The following SLC23A3 variants were observed in gnomAD, a reference collection of about 807,000 sequenced individuals.
The protein encoded by SLC23A3 is E2-binding protein 3.
In SLC23A3, 41 loss-of-function variants were observed where a neutral mutation model predicts 64.7. The observed-to-expected ratio is 0.63, with a 90% CI of 0.49 to 0.82. SLC23A3 has a LOEUF of 0.82. Among genes scored for constraint, SLC23A3 ranks in the 40% least tolerant of loss-of-function variants. The pLI is 0.00. For missense variants in SLC23A3, 647 were observed against 733.4 expected (o/e 0.88, Z 1.36); for synonymous variants, 281 against 306.8 (o/e 0.92, Z 0.88).
At chr2:219,167,822 T>G (rs752739857) in intron 7 of SLC23A3, 108 bp downstream of exon 7, 56 of 894,148 alleles carry the variant, frequency 6.3e-5, no homozygotes, top group Non-Finnish European at 9.2e-5. Flanking sequence ...TCCTATATGT[T>G]TTCAAAAAAC....
intron 9 of SLC23A3, 82 bp downstream of exon 9, chr2:219,164,151 A>G: frequency 3.4e-6 from 3 of 886,904 alleles, no homozygotes; most frequent in Non-Finnish European, 5.4e-6. Context: ...ATTTAGAAGG[A>G]AAGGGTGCCA....
chr2:219,166,513 TTTTA>T (rs981643554), intron 7 of SLC23A3, among the ~76,000 whole-genome samples: 14 of 151,274 alleles, frequency 9.3e-5, no homozygotes, highest in Non-Finnish European at 1.8e-4. Context: ...TTTTATTTTA[TTTTA>T]TTTATTTTAT....
chr2:219,165,286 A>C lies in SLC23A3; in HGVS notation c.1050T>G (p.His350Gln). 6.4e-7 allele frequency: 1 copy of C among 1,551,640 alleles called. No individual in the cohort carries two copies. Among genetic ancestry groups the C allele is most frequent in the Non-Finnish European group, 8.7e-7 (1 of 1,146,994 alleles). The change falls in exon 8 of 12, where the codon CAT becomes CAG. Residue 350 changes from histidine to glutamine, a missense_variant. By Grantham distance (24) the His-to-Gln change is conservative. Transcript: ENST00000409878. ...CCAGGCTCAGCCCTCGACTGCAGGC[A>C]TGTGGAGGTGGGGGAGGCAAATGCA... ...RLLHLPPPPP[H>Q]ACSRGLSLEG...
chr2:219,167,861 T>A, intron 7 of SLC23A3, 69 bp downstream of exon 7: 1 of 1,189,028 alleles, frequency 8.4e-7, no homozygotes, highest in Non-Finnish European at 1.2e-6. Flanking sequence ...ATAAAATCCA[T>A]TAAGTTCTTT....
At position 219,162,211 on chromosome 2, in the gene SLC23A3, AAG is replaced by A. The variant is rs1949952225; in HGVS notation, c.1538-9_1538-8del. The A allele has an allele frequency of 1.2e-6, 2 of 1,610,736 alleles. No individual in the cohort carries two copies. Among genetic ancestry groups the A allele is most frequent in the Non-Finnish European group, 1.7e-6 (2 of 1,177,464 alleles). The stretch of plus-strand genomic sequence containing the variant: ...CCTCGCTCAAGCTGTGTGCCTGCAA[AAG>A]AGAGGTTTGTCAGGCTATTGCCCAT... On this transcript the variant is annotated splice_polypyrimidine_tract_variant and splice_region_variant and intron_variant, in intron 11 of 11. Transcript: ENST00000409878.
In SLC23A3 at chr2:219,162,141, C is replaced by T. The variant is rs769388431; in HGVS notation, c.1601G>A (p.Arg534Gln). The change falls in exon 12 of 12, where the codon CGA becomes CAA. Residue 534 changes from arginine (R) to glutamine (Q), a missense_variant. Coordinates refer to ENST00000409878, the MANE Select transcript of SLC23A3 (RefSeq NM_001144889.2). The part of the protein sequence containing the change: ...LPSPFTAQEA[R>Q]MPQKPREKAA... ...CTTCTCCCTGGGCTTCTGAGGCATTCGAGCCTCTTGGGCAGTGAAAGGAGA... is the reference window on the plus strand; with the variant it reads ...CTTCTCCCTGGGCTTCTGAGGCATTTGAGCCTCTTGGGCAGTGAAAGGAGA... The T allele has an allele frequency of 1.2e-5, 19 of 1,613,808 alleles. 1 individual carries two copies. The African/African-American group carries it at 1.7e-4, about 15-fold the overall frequency.
chr2:219,168,699 G>A lies in SLC23A3; in HGVS notation c.627C>T (p.His209=). ...PSLVVAGLSA[H]REVAQFCFTH... The stretch of plus-strand genomic sequence containing the variant: ...TGAAGCAGAACTGGGCTACCTCCCT[G>A]TGGGCAGAGAGCCCTGCCACAACCA... Residue 209 remains histidine (H), a synonymous_variant, in exon 5 of 12, where the codon CAC becomes CAT. Coordinates refer to ENST00000409878, the MANE Select transcript of SLC23A3 (RefSeq NM_001144889.2). The A allele has an allele frequency of 1.2e-6, 2 of 1,613,920 alleles. No individual in the cohort carries two copies. The highest frequency in any genetic ancestry group is 1.7e-6 in the Non-Finnish European group (2 of 1,179,934).
intron 6 of SLC23A3, 26 bp from the exon 7 acceptor site, chr2:219,168,070 C>T: frequency 1.3e-6 from 2 of 1,564,524 alleles, no homozygotes; most frequent in Middle Eastern, 1.7e-4. Flanking sequence ...GAGAAAAGAA[C>T]TCCTCCCCCA....
rs750676280 is a variant in SLC23A3 at position 219,162,089 on chromosome 2, G to A, written c.1653C>T (p.Phe551=). The A allele has an allele frequency of 8.1e-6, 13 of 1,614,094 alleles. No individual in the cohort carries two copies. The African/African-American group carries it at 1.3e-4, about 17-fold the overall frequency. ...EKAAQVYRLP[F]PIQNLCPCIP... is the part of the protein sequence containing the mutation. The stretch of plus-strand genomic sequence containing the variant: ...TGCAGGGACAGAGGTTTTGGATGGG[G>A]AAAGGAAGTCTGTACACTTGAGCAG... The change falls in exon 12 of 12, where the codon TTC becomes TTT. Residue 551 remains phenylalanine, a synonymous_variant. Coordinates refer to ENST00000409878, the MANE Select transcript of SLC23A3 (RefSeq NM_001144889.2).
chr2:219,164,121 C>CCCATCCAT lies in SLC23A3; in HGVS notation c.1273+104_1273+111dup, dbSNP rs1308853794. 3 of 683,420 alleles carry CCCATCCAT rather than the reference C, an allele frequency of 4.4e-6. No homozygotes were observed. In the Admixed American group the frequency reaches 7.8e-5, roughly 18 times the overall value. The allele number at this position is 683,420 out of a possible 1,614,324, so 42.3% of individuals were successfully genotyped here. ...ATCCATCCATCCATCCATCCATCCA[C>CCCATCCAT]CCATCCATCCAGGAAAGCTATTTAG... On this transcript the variant is annotated intron_variant, in intron 9 of 11. Transcript: ENST00000409878.
chr2:219,164,819 C>A, intron 8 of SLC23A3: 1 of 301,458 alleles, frequency 3.3e-6, no homozygotes, highest in Non-Finnish European at 6.1e-6. Context: ...TCAGCCTCCC[C>A]ACGTGCTAGG....
At chr2:219,165,495 C>T (rs1167692493) in intron 7 of SLC23A3, 73 bp from the exon 8 acceptor site, 30 of 1,480,452 alleles carry the variant, frequency 2.0e-5, no homozygotes, top group Non-Finnish European at 2.7e-5. Context: ...ACAGCCTGTG[C>T]CACAAGAATC....
At chr2:219,164,444 C>T in intron 8 of SLC23A3, 106 bp from the exon 9 acceptor site, 1 of 748,408 alleles carries the variant, frequency 1.3e-6, no homozygotes, top group African/African-American at 1.8e-5. Context: ...TCAAATGTTA[C>T]TCTTCCAAGA....
In SLC23A3 at chr2:219,164,296, C is replaced by A. The variant is rs750903971; in HGVS notation, c.1210G>T (p.Val404Leu). 8.1e-6 allele frequency: 13 copies of A among 1,608,900 alleles called. No homozygotes were observed. The highest frequency in any genetic ancestry group is 1.1e-5 in the South Asian group (1 of 89,722). The stretch of plus-strand genomic sequence containing the variant: ...AACCTGGGGGAGAGTCCAAGCCCCA[C>A]GCAGAGTAGCCCCACTAAGTGAGCC... ...QVAHLVGLLC[V>L]GLGLSPRLAQ... Residue 404 changes from valine to leucine, a missense_variant, in exon 9 of 12, where the codon GTG becomes TTG. Coordinates refer to ENST00000409878, the MANE Select transcript of SLC23A3 (RefSeq NM_001144889.2).
chr2:219,169,716 A>C lies in SLC23A3; in HGVS notation c.163-38T>G. On this transcript the variant is annotated intron_variant, in intron 1 of 11. Transcript: ENST00000409878. The surrounding 1 kb of genome is among the most constrained non-coding windows in gnomAD (Gnocchi z 4.5). ...GAATGGGGAGGGCAGTCTTCAGAGAAGTGGAAATACCTACAATACTTCCAG... is the reference window on the plus strand; with the variant it reads ...GAATGGGGAGGGCAGTCTTCAGAGACGTGGAAATACCTACAATACTTCCAG... 1 of 1,613,250 alleles carries C rather than the reference A, an allele frequency of 6.2e-7. No individual in the cohort carries two copies. The highest frequency in any genetic ancestry group is 2.2e-5 in the East Asian group (1 of 44,884).
chr2:219,168,974 G>A, intron 4 of SLC23A3, 55 bp downstream of exon 4: 1 of 1,575,940 alleles, frequency 6.3e-7, no homozygotes, highest in Non-Finnish European at 8.7e-7. Context: ...ATGGAAACAA[G>A]AGCCCCCCCC....
At chr2:219,167,745 A>G (rs7594013) in intron 7 of SLC23A3, among the ~76,000 whole-genome samples, 185 bp downstream of exon 7, 4,791 of 152,232 alleles carry the variant, frequency 0.031, 241 homozygotes, top group African/African-American at 0.11. Flanking sequence ...GTCTCAAACA[A>G]ACAAACAAAA....
chr2:219,169,973 T>C lies in SLC23A3; in HGVS notation c.12A>G (p.Ser4=). The C allele has an allele frequency of 6.2e-7, 1 of 1,613,760 alleles. No individual in the cohort carries two copies. The highest frequency in any genetic ancestry group is 8.5e-7 in the Non-Finnish European group (1 of 1,179,922). The stretch of plus-strand genomic sequence containing the variant: ...ATCGGAGTTGGCTGGGATTGAGGGG[T>C]GATCGGCTCATGCTGCCTTGCCTTT... The part of the protein sequence containing the change: MSR[S]PLNPSQLRSV... Residue 4 remains serine, a synonymous_variant, in exon 1 of 12, where the codon TCA becomes TCG. Transcript: ENST00000409878. This position sits in a 1 kb window ranked among gnomAD's most constrained non-coding sequence, Gnocchi z 4.5.
chr2:219,167,952 T>C lies in SLC23A3; in HGVS notation c.891A>G (p.Pro297=), dbSNP rs1259660945. 1 of 1,581,558 alleles carries C rather than the reference T, an allele frequency of 6.3e-7. No homozygotes were observed. The highest frequency in any genetic ancestry group is 1.2e-5 in the South Asian group (1 of 84,764). Residue 297 remains proline (P), a synonymous_variant, in exon 7 of 12, where the codon CCA becomes CCG. Coordinates refer to ENST00000409878, the MANE Select transcript of SLC23A3 (RefSeq NM_001144889.2). ...PQELSAPTKA[P]WIWLPHPGEW... The stretch of plus-strand genomic sequence containing the variant: ...TACCTGGGTGAGGCAGCCAAATCCA[T>C]GGTGCCTTGGTGGGGGCAGACAGTT...
Sources: allele counts gnomAD v4.1 joint callset (sites outside exome capture counted in the v4.1 genomes callset), GRCh38; gene constraint gnomAD v4.1.1; non-coding constraint Gnocchi (gnomAD v3.1); transcripts MANE v1.5; gene names NCBI Gene and HGNC (gene_info 2026-07-23, HGNC 2026-07-21).